Variants in COL11A1 observed in about 807,000 individuals in gnomAD.
COL11A1 encodes the protein collagen alpha-1(XI) chain.
A neutral mutation model predicts 265.2 loss-of-function variants in COL11A1; 74 were observed. The ratio of observed to expected loss-of-function variants is 0.28; its 90% CI spans 0.23 to 0.34. The LOEUF (loss-of-function observed/expected upper bound fraction) is 0.34. Among genes scored for constraint, COL11A1 ranks in the 10% least tolerant of loss-of-function variants. The pLI is 1.00. For missense variants in COL11A1, 2,165 were observed against 2,263.6 expected (o/e 0.96, Z 0.88); for synonymous variants, 816 against 727.6 (o/e 1.12, Z -1.96).
chr1:102,911,696 G>A (rs184575489), intron 54 of COL11A1, among the ~76,000 whole-genome samples: 7 of 152,204 alleles, frequency 4.6e-5, no homozygotes, highest in Admixed American at 1.3e-4. Context: ...TACTGTTTCC[G>A]AGCCAGAGAA....
intron 20 of COL11A1, among the ~76,000 whole-genome samples, chr1:103,004,169 A>C (rs1427696432): frequency 6.6e-6 from 1 of 152,188 alleles, no homozygotes. Flanking sequence ...CACAAAAAAC[A>C]AAACAAAGAA....
chr1:102,918,717 T>G (rs982845375), intron 49 of COL11A1, among the ~76,000 whole-genome samples: 6 of 152,024 alleles, frequency 3.9e-5, no homozygotes, highest in African/African-American at 1.4e-4. Context: ...TTGACTGGGA[T>G]TGATTCAAAA....
At chr1:103,075,149 C>T (rs972816688) in intron 3 of COL11A1, among the ~76,000 whole-genome samples, 5 of 152,052 alleles carry the variant, frequency 3.3e-5, no homozygotes, top group Non-Finnish European at 5.9e-5. Flanking sequence ...TTTCCAAGTA[C>T]ATAAATGCTT....
chr1:102,949,088 T>TAATAAATAAATA (rs1659611205), intron 41 of COL11A1, among the ~76,000 whole-genome samples: 2 of 152,020 alleles, frequency 1.3e-5, no homozygotes, highest in South Asian at 4.1e-4. Context: ...AAAAAGTCAG[T>TAATAAATAAATA]AATAAAAGTG....
intron 41 of COL11A1, among the ~76,000 whole-genome samples, chr1:102,959,708 A>G (rs1285293224): frequency 6.6e-6 from 1 of 152,212 alleles, no homozygotes; most frequent in African/African-American, 2.4e-5. Context: ...AATAAATAAA[A>G]GTACATTTAA....
chr1:102,939,304 C>A (rs975005096), intron 43 of COL11A1, among the ~76,000 whole-genome samples: 2 of 152,148 alleles, frequency 1.3e-5, no homozygotes, highest in Non-Finnish European at 2.9e-5. Context: ...AAGTATACTA[C>A]AACTGAATTT....
Position 102,877,856 on chromosome 1 carries a change from T to C in COL11A1, c.*163A>G. 1.5e-6 allele frequency: 1 copy of C among 648,822 alleles called. No individual in the cohort carries two copies. The highest frequency in any genetic ancestry group is 2.7e-6 in the Non-Finnish European group (1 of 368,632). 40.2% of individuals were successfully genotyped at this position (648,822 alleles called of 1,614,324 possible). ...TTTATGATTTTCAAAGCTTTTGCCA[T>C]GTGATTCTGCCCCCACAAAGGCATC... On this transcript the variant is annotated 3_prime_UTR_variant, in exon 67 of 67. Coordinates refer to ENST00000370096, the MANE Select transcript of COL11A1 (RefSeq NM_001854.4).
intron 54 of COL11A1, among the ~76,000 whole-genome samples, chr1:102,903,083 AT>A (rs999481650): frequency 2.0e-5 from 3 of 151,292 alleles, no homozygotes; most frequent in Non-Finnish European, 3.0e-5. Flanking sequence ...TCAGCTCTAG[AT>A]TTTTTTTTCA....
chr1:103,048,970 G>A (rs1669550810), intron 4 of COL11A1, among the ~76,000 whole-genome samples: 1 of 152,090 alleles, frequency 6.6e-6, no homozygotes, highest in African/African-American at 2.4e-5. Context: ...GAGACAGTTT[G>A]GTATAATTTC....
At chr1:102,939,390 T>G (rs1396041745) in intron 43 of COL11A1, among the ~76,000 whole-genome samples, 1 of 152,304 alleles carries the variant, frequency 6.6e-6, no homozygotes, top group East Asian at 1.9e-4. Context: ...ATATAAAATC[T>G]ATAATTACAC....
chr1:102,899,091 T>A (rs538144807), intron 54 of COL11A1, 97 bp from the exon 55 acceptor site: 1 of 592,626 alleles, frequency 1.7e-6, no homozygotes, highest in African/African-American at 2.0e-5. Context: ...TTGTAACAGA[T>A]GAATAAATTG....
intron 41 of COL11A1, among the ~76,000 whole-genome samples, chr1:102,960,040 A>C (rs563740085): frequency 1.3e-5 from 2 of 152,252 alleles, no homozygotes; most frequent in Admixed American, 1.3e-4. Context: ...TTGTCTTATT[A>C]AGTTGTTGTT....
intron 3 of COL11A1, among the ~76,000 whole-genome samples, chr1:103,075,578 T>C (rs1467586898): frequency 6.6e-6 from 1 of 152,138 alleles, no homozygotes; most frequent in East Asian, 1.9e-4. Flanking sequence ...GAAATGCACA[T>C]TCCCTAACCA....
chr1:103,037,316 G>A (rs1474195849), intron 4 of COL11A1, among the ~76,000 whole-genome samples: 3 of 150,636 alleles, frequency 2.0e-5, no homozygotes, highest in African/African-American at 7.3e-5. Context: ...GAAAAGTATG[G>A]TAAATAATAT....
intron 4 of COL11A1, among the ~76,000 whole-genome samples, chr1:103,045,637 CT>C (rs1476682266): frequency 6.6e-6 from 1 of 151,730 alleles, no homozygotes; most frequent in Admixed American, 6.6e-5. Context: ...TATTATTATA[CT>C]TTAAGTTTTA....
intron 4 of COL11A1, among the ~76,000 whole-genome samples, chr1:103,049,350 G>T (rs1250456735): frequency 6.6e-6 from 1 of 152,172 alleles, no homozygotes; most frequent in Non-Finnish European, 1.5e-5. Flanking sequence ...TTACCATTAT[G>T]TAATGGCCTT....
At chr1:103,057,888 G>T (rs2102178209) in intron 4 of COL11A1, among the ~76,000 whole-genome samples, 1 of 152,238 alleles carries the variant, frequency 6.6e-6, no homozygotes, top group African/African-American at 2.4e-5. Flanking sequence ...AGGGTCCCAG[G>T]ATTTTTAAAA....
chr1:103,054,234 A>T (rs1186215188), intron 4 of COL11A1, among the ~76,000 whole-genome samples: 3 of 152,228 alleles, frequency 2.0e-5, no homozygotes, highest in Non-Finnish European at 4.4e-5. Flanking sequence ...CATGAAACAG[A>T]TTCCAGACAA....
chr1:102,968,032 C>T (rs1014439790), intron 37 of COL11A1, among the ~76,000 whole-genome samples: 1 of 152,152 alleles, frequency 6.6e-6, no homozygotes, highest in Admixed American at 6.5e-5. Context: ...CATATGTCTG[C>T]TCATTCAATC....
Sources: gnomAD v4.1 joint callset for allele counts (sites outside exome capture counted in the v4.1 genomes callset) on GRCh38, gnomAD v4.1.1 for gene constraint, MANE v1.5 for transcripts, NCBI Gene and HGNC (gene_info 2026-07-23, HGNC 2026-07-21) for gene names.